The following ITGB5 variants were observed in gnomAD, a reference collection of about 807,000 sequenced individuals.
ITGB5 encodes integrin subunit beta 5, also known as integrin beta-5.
ITGB5 carries 38 observed loss-of-function variants against 84.8 expected under a neutral mutation model. The observed-to-expected ratio is 0.45, with a 90% CI of 0.35 to 0.59. ITGB5 has a LOEUF of 0.59. Ranked by LOEUF, ITGB5 falls within the 20% of genes least tolerant of loss-of-function variation. The pLI is 0.01. For synonymous variants in ITGB5, 393 were observed against 414.4 expected, an observed-to-expected ratio of 0.95 and a Z score of 0.63; for missense variants, 905 against 1,034.5, an observed-to-expected ratio of 0.87 and a Z score of 1.72.
chr3:124,772,124 T>C (rs1005742788), intron 11 of ITGB5, among the ~76,000 whole-genome samples: 2 of 152,222 alleles, frequency 1.3e-5, no homozygotes, highest in Non-Finnish European at 1.5e-5. Context: ...AATGGCTGAC[T>C]CTGTGCTGGG....
intron 5 of ITGB5, among the ~76,000 whole-genome samples, chr3:124,839,931 G>T (rs1244354670): frequency 6.6e-6 from 1 of 152,210 alleles, no homozygotes; most frequent in Non-Finnish European, 1.5e-5. Flanking sequence ...TCCAGGAGGG[G>T]CCCACAGACT....
chr3:124,783,751 C>T (rs1227270467), intron 10 of ITGB5, among the ~76,000 whole-genome samples: 1 of 152,236 alleles, frequency 6.6e-6, no homozygotes, highest in African/African-American at 2.4e-5. Context: ...TAAGAATTCT[C>T]TTTTCTCTGG....
intron 12 of ITGB5, 120 bp downstream of exon 12, chr3:124,768,892 TG>T (rs2063802681): frequency 6.0e-6 from 4 of 667,136 alleles, no homozygotes; most frequent in Non-Finnish European, 7.8e-6. Flanking sequence ...CGGGTCCTCA[TG>T]GGGAGCCCAC....
At chr3:124,801,983 C>T (rs1359092691) in intron 9 of ITGB5, among the ~76,000 whole-genome samples, 1 of 152,244 alleles carries the variant, frequency 6.6e-6, no homozygotes, top group Non-Finnish European at 1.5e-5. Flanking sequence ...GACCAGCCCA[C>T]CCCGGCTTTC....
chr3:124,794,727 A>G (rs757032365), intron 10 of ITGB5, among the ~76,000 whole-genome samples: 3 of 151,980 alleles, frequency 2.0e-5, no homozygotes, highest in Non-Finnish European at 4.4e-5. Flanking sequence ...GGTTGCAGTG[A>G]GCTGAGATTG....
At chr3:124,830,640 G>T (rs2064846739) in intron 5 of ITGB5, among the ~76,000 whole-genome samples, 1 of 152,144 alleles carries the variant, frequency 6.6e-6, no homozygotes. Context: ...TGGGTATGGG[G>T]CCCACACACA....
intron 12 of ITGB5, among the ~76,000 whole-genome samples, chr3:124,767,303 T>C (rs1045953626): frequency 6.6e-6 from 1 of 152,162 alleles, no homozygotes; most frequent in African/African-American, 2.4e-5. Flanking sequence ...TGAATTAGTG[T>C]GGTTATCAGA....
chr3:124,804,334 G>A (rs2064360992), intron 9 of ITGB5, among the ~76,000 whole-genome samples: 1 of 151,954 alleles, frequency 6.6e-6, no homozygotes, highest in Non-Finnish European at 1.5e-5. Flanking sequence ...AACCATTCTG[G>A]GCAACATAGC....
intron 5 of ITGB5, among the ~76,000 whole-genome samples, chr3:124,827,717 A>C (rs1459478816): frequency 6.6e-6 from 1 of 152,210 alleles, no homozygotes; most frequent in African/African-American, 2.4e-5. Flanking sequence ...ATACATCCAG[A>C]TGGCCCGCAG....
At chr3:124,768,901 C>A (rs1559921531) in intron 12 of ITGB5, 112 bp downstream of exon 12, 8 of 722,068 alleles carry the variant, frequency 1.1e-5, no homozygotes, top group Non-Finnish European at 1.9e-5. Flanking sequence ...ATGGGGAGCC[C>A]ACAGTTATGC....
At chr3:124,874,422 T>A (rs939972195) in intron 1 of ITGB5, among the ~76,000 whole-genome samples, 4 of 152,148 alleles carry the variant, frequency 2.6e-5, no homozygotes, top group African/African-American at 7.2e-5. Context: ...ATGTCCATGC[T>A]ATCCAGTCTA....
intron 10 of ITGB5, 136 bp downstream of exon 10, chr3:124,796,252 T>G: frequency 1.2e-6 from 1 of 804,960 alleles, no homozygotes; most frequent in Non-Finnish European, 2.0e-6. Flanking sequence ...TAGCAAGGCT[T>G]GCCCACTGTC....
intron 5 of ITGB5, among the ~76,000 whole-genome samples, chr3:124,841,023 T>C (rs1035983851): frequency 1.8e-4 from 28 of 152,252 alleles, no homozygotes; most frequent in African/African-American, 7.2e-5. Context: ...TTTGCCAAAA[T>C]TGGTCCAGAA....
intron 1 of ITGB5, among the ~76,000 whole-genome samples, chr3:124,882,090 G>A (rs776842421): frequency 3.9e-5 from 6 of 152,178 alleles, no homozygotes; most frequent in Non-Finnish European, 5.9e-5. Context: ...AGTTGAGGAC[G>A]GGATGCATCG....
chr3:124,796,539 C>G lies in ITGB5; in HGVS notation c.1542G>C (p.Arg514=). ...ENQSVYQNLC[R]EAEGKPLCSG... ...TGCACAGTGGCTTGCCCTCTGCCTCCCGGCACAGGTTCTGGTACACGCTCT... is the reference window on the plus strand; with the variant it reads ...TGCACAGTGGCTTGCCCTCTGCCTCGCGGCACAGGTTCTGGTACACGCTCT... The change falls in exon 10 of 15, where the codon CGG becomes CGC. Residue 514 remains arginine, a synonymous_variant. Coordinates refer to ENST00000296181, the MANE Select transcript of ITGB5 (RefSeq NM_002213.5). 1.9e-6 allele frequency: 3 copies of G among 1,614,090 alleles called. 1 individual carries two copies. The South Asian group carries it at 3.3e-5, about 18-fold the overall frequency.
rs1380785919 is a variant in ITGB5 at position 124,841,266 on chromosome 3, A to G, written c.780+117T>C. 34 of 915,158 alleles carry G rather than the reference A, an allele frequency of 3.7e-5. 1 individual carries two copies. In the South Asian group the frequency reaches 4.5e-4, roughly 12 times the overall value. 56.7% of individuals were successfully genotyped at this position (915,158 alleles called of 1,614,324 possible). On this transcript the variant is annotated intron_variant, in intron 5 of 14. Coordinates refer to ENST00000296181, the MANE Select transcript of ITGB5 (RefSeq NM_002213.5). ...CACTGAGCTCACCCTCTGACTTCAG[A>G]GTGGTCAGGAGCCACATGCTGGGGC...
At chr3:124,890,217 T>G (rs1014374499), upstream of ITGB5, among the ~76,000 whole-genome samples, 9 of 147,928 alleles carry the variant, frequency 6.1e-5, no homozygotes, top group East Asian at 6.0e-4. Flanking sequence ...TTTTTTTTTT[T>G]TTTGGAGACG....
At chr3:124,873,866 T>C (rs1425094424) in intron 1 of ITGB5, among the ~76,000 whole-genome samples, 1 of 146,656 alleles carries the variant, frequency 6.8e-6, no homozygotes, top group African/African-American at 2.5e-5. Flanking sequence ...ATGACAAAAA[T>C]AGTACAAAAA....
At chr3:124,886,164 C>T (rs918722046) in intron 1 of ITGB5, among the ~76,000 whole-genome samples, 4 of 152,332 alleles carry the variant, frequency 2.6e-5, no homozygotes, top group African/African-American at 4.8e-5. Context: ...TCTCCACAGC[C>T]CCTGTCCTCT....
Sources: gnomAD v4.1 joint callset for allele counts (sites outside exome capture counted in the v4.1 genomes callset) on GRCh38, gnomAD v4.1.1 for gene constraint, MANE v1.5 for transcripts, NCBI Gene and HGNC (gene_info 2026-07-23, HGNC 2026-07-21) for gene names.